Variants in PRPF38B observed in about 807,000 individuals in gnomAD.
PRPF38B encodes pre-mRNA processing factor 38B.
PRPF38B carries 18 observed loss-of-function variants against 67.2 expected under a neutral mutation model. The observed-to-expected ratio is 0.27, with a 90% CI of 0.19 to 0.40. PRPF38B has a LOEUF of 0.40. Among genes scored for constraint, PRPF38B ranks in the 10% least tolerant of loss-of-function variants. The probability of loss-of-function intolerance (pLI) is 1.00; values close to 1 mark genes in which losing one functional copy is unlikely to be tolerated. For missense variants in PRPF38B, 544 were observed against 684.9 expected, an observed-to-expected ratio of 0.79 and a Z score of 2.30; for synonymous variants, 246 against 234.2, an observed-to-expected ratio of 1.05 and a Z score of -0.46.
At chr1:108,692,960 T>G in intron 1 of PRPF38B, 93 bp downstream of exon 1, 1 of 1,477,444 alleles carries the variant, frequency 6.8e-7, no homozygotes, top group Non-Finnish European at 9.1e-7. Flanking sequence ...TCTGAAGATT[T>G]GTGGGTGGGG....
At chr1:108,694,049 G>A (rs1243015629) in intron 1 of PRPF38B, among the ~76,000 whole-genome samples, 2 of 152,174 alleles carry the variant, frequency 1.3e-5, no homozygotes, top group Non-Finnish European at 2.9e-5. Context: ...GGTTATTGAA[G>A]GATTTTGAGA....
rs762875719 is a variant in PRPF38B at position 108,692,822 on chromosome 1, C to T, written c.231C>T (p.Tyr77=). The change falls in exon 1 of 6, where the codon TAC becomes TAT. Residue 77 remains tyrosine (Y), a synonymous_variant. Coordinates refer to ENST00000370025, the MANE Select transcript of PRPF38B (RefSeq NM_018061.4). ...LSSPYFKVQL[Y]ELKTYHEVVD... is the part of the protein sequence containing the mutation. ...CGCCTTACTTCAAAGTACAGCTCTA[C>T]GAGCTCAAGACCTACCACGAGGTGG... 8 of 1,614,170 alleles carry T rather than the reference C, an allele frequency of 5.0e-6. No homozygotes were observed. Among genetic ancestry groups the T allele is most frequent in the African/African-American group, 1.3e-5 (1 of 75,044 alleles).
At position 108,699,395 on chromosome 1, in the gene PRPF38B, G is replaced by A. The variant is rs779515848; in HGVS notation, c.1016G>A (p.Arg339His). 1.1e-5 allele frequency: 18 copies of A among 1,612,898 alleles called. No homozygotes were observed. The highest frequency in any genetic ancestry group is 5.0e-5 in the Admixed American group (3 of 59,996). The change falls in exon 6 of 6, where the codon CGC (arginine) becomes CAC (histidine). Residue 339 changes from arginine to histidine, a missense_variant. By Grantham distance (29) the Arg-to-His change is conservative. This residue lies in a region of PRPF38B where 387 missense variants were observed against 386.1 expected (regional missense o/e 1.00). Transcript: ENST00000370025. Reference protein sequence around the residue: ...RSRSRERHRSRSRSRDRKGDR... With the variant: ...RSRSRERHRSHSRSRDRKGDR... ...AGAAGTAGGGAAAGGCATAGAAGTCGCAGTCGAAGTCGTGATAGGAAAGGG... is the reference window on the plus strand; with the variant it reads ...AGAAGTAGGGAAAGGCATAGAAGTCACAGTCGAAGTCGTGATAGGAAAGGG...
chr1:108,697,044 C>A, intron 4 of PRPF38B: 1 of 403,628 alleles, frequency 2.5e-6, no homozygotes, highest in Non-Finnish European at 4.4e-6. Context: ...AGTTCAAGAC[C>A]AGCCTGAGCA....
rs770284627 is a variant in PRPF38B, at chr1:108,699,323, G to A, written c.944G>A (p.Arg315Gln). The change falls in exon 6 of 6, where the codon CGG becomes CAG. Residue 315 changes from arginine to glutamine, a missense_variant. Arg to Gln is a conservative substitution (Grantham distance 43). This residue lies in a region of PRPF38B where 387 missense variants were observed against 386.1 expected (regional missense o/e 1.00). Transcript: ENST00000370025. ...EREAKEREKE[R>Q]RRSRSIDRGL... ...GAAGCCAAAGAAAGGGAGAAAGAAC[G>A]GCGAAGATCCCGAAGTATTGACCGG... is the stretch of plus-strand genomic sequence containing the variant. 4.3e-6 allele frequency: 7 copies of A among 1,614,002 alleles called. No homozygotes were observed. Among genetic ancestry groups the A allele is most frequent in the South Asian group, 1.1e-5 (1 of 91,082 alleles).
Position 108,695,466 on chromosome 1 carries a change from TCTC to T in PRPF38B, c.277-232_277-230del, listed in dbSNP as rs1659777198. 3.3e-5 allele frequency among the ~76,000 whole-genome samples: 5 copies of T among 152,194 alleles called. No homozygotes were observed. In the South Asian group the frequency reaches 1.0e-3, roughly 31 times the overall value. On this transcript the variant is annotated intron_variant, in intron 1 of 5. Transcript: ENST00000370025. ...TTTATAAAGCTAGTTGAGTGGGATT[TCTC>T]CTCTGCAAAGCTATTAAGGTTTTGT...
rs182087067 is a variant in PRPF38B at position 108,694,075 on chromosome 1, A to G, written c.276+1208A>G. On this transcript the variant is annotated intron_variant, in intron 1 of 5. Transcript: ENST00000370025. ...GATTTTGAGAGATTAGTTGCTTTTT[A>G]TAGAAAACATCTCTTGAATACAGTT... Among the ~76,000 whole-genome samples, 3 of 152,344 alleles carry G rather than the reference A, an allele frequency of 2.0e-5. No individual in the cohort carries two copies. The East Asian group carries it at 5.8e-4, about 29-fold the overall frequency.
chr1:108,698,785 G>A lies in PRPF38B; in HGVS notation c.740G>A (p.Gly247Asp), dbSNP rs1660136927. Residue 247 changes from glycine to aspartate, a missense_variant, in exon 5 of 6, where the codon GGT becomes GAT. Transcript: ENST00000370025. ...AAAATCAAGAAAGATGGGAAGGAAG[G>A]TGCTGAGGAAATAGACAGACATGTT... is the stretch of plus-strand genomic sequence containing the variant. ...PRKIKKDGKE[G>D]AEEIDRHVER... 2 of 1,613,920 alleles carry A rather than the reference G, an allele frequency of 1.2e-6. No homozygotes were observed. The highest frequency in any genetic ancestry group is 1.7e-6 in the Non-Finnish European group (2 of 1,179,846).
Position 108,698,830 on chromosome 1 carries a change from A to C in PRPF38B, c.782+3A>C. On this transcript the variant is annotated splice_donor_region_variant and intron_variant, in intron 5 of 5. Transcript: ENST00000370025. The stretch of plus-strand genomic sequence containing the variant: ...CATGTTGAACGCAGACGTTCAAGGT[A>C]ATGTCACTCTTGAATTATGCTTATT... The C allele has an allele frequency of 6.2e-7, 1 of 1,600,252 alleles. No homozygotes were observed.
rs1469044563 is a variant in PRPF38B, at chr1:108,702,555, A to T, written c.*2535A>T. Reference sequence around the variant, plus strand: ...GAGTGGCTTCCTAAGAAACTGGGAAAACAAGTGGCTATGAAAGACATCTCA... The same window carrying T: ...GAGTGGCTTCCTAAGAAACTGGGAATACAAGTGGCTATGAAAGACATCTCA... On this transcript the variant is annotated 3_prime_UTR_variant, in exon 6 of 6. Transcript: ENST00000370025. 6.6e-6 allele frequency among the ~76,000 whole-genome samples: 1 copy of T among 152,196 alleles called. No individual in the cohort carries two copies. The highest frequency in any genetic ancestry group is 1.5e-5 in the Non-Finnish European group (1 of 68,038).
Position 108,701,218 on chromosome 1 carries a change from A to T in PRPF38B, c.*1198A>T, listed in dbSNP as rs1470208803. 15 of 152,676 alleles carry T rather than the reference A, an allele frequency of 9.8e-5. No homozygotes were observed. Among genetic ancestry groups the T allele is most frequent in the Admixed American group, 9.8e-4 (15 of 15,292 alleles). The allele number at this position is 152,676 out of a possible 1,614,324, so 9.5% of individuals were successfully genotyped here. A position where few individuals can be genotyped will look rare whatever the true frequency, so the allele number is the denominator to read the frequency against. On this transcript the variant is annotated 3_prime_UTR_variant, in exon 6 of 6. Coordinates refer to ENST00000370025, the MANE Select transcript of PRPF38B (RefSeq NM_018061.4). ...TCTTGGCTTTTCCCCCATTTGTTAA[A>T]TTTTTTTAGCATATTTATATTGTGG...
Position 108,699,511 on chromosome 1 carries a change from C to T in PRPF38B, c.1132C>T (p.Arg378Ter), listed in dbSNP as rs1660224181. The change falls in exon 6 of 6, where the codon CGA becomes TGA. Residue 378 changes from arginine (R) to a stop codon, truncating the protein, a stop_gained. Transcript: ENST00000370025. LOFTEE classifies it high-confidence loss of function. Reference sequence around the variant, plus strand: ...CTATGATAAGGAAAGAGGAAATGAACGAGAAAAAGAGAGAGAGCGATCAAG... The same window carrying T: ...CTATGATAAGGAAAGAGGAAATGAATGAGAAAAAGAGAGAGAGCGATCAAG... ...RDYDKERGNE[R>*]EKERERSRER... 6.4e-7 allele frequency: 1 copy of T among 1,569,238 alleles called. No individual in the cohort carries two copies. The highest frequency in any genetic ancestry group is 8.6e-7 in the Non-Finnish European group (1 of 1,157,576).
intron 4 of PRPF38B, chr1:108,698,326 C>A: frequency 3.1e-6 from 1 of 322,804 alleles, no homozygotes; most frequent in Non-Finnish European, 5.7e-6. Context: ...GTCAATCGTT[C>A]CGCATAGTTT....
chr1:108,697,840 G>T (rs891539580), intron 4 of PRPF38B: 1 of 152,170 alleles, frequency 6.6e-6, no homozygotes, highest in Non-Finnish European at 1.5e-5. Context: ...TGGAAATACT[G>T]TATATCTGAA....
Position 108,699,723 on chromosome 1 carries a change from T to C in PRPF38B, c.1344T>C (p.Ser448=). The part of the protein sequence containing the change: ...RSRSRNAGKR[S]RSRSKEKSSK... ...GAAGTAGAAATGCAGGGAAACGAAG[T>C]AGAAGTAGAAGCAAAGAGAAATCAA... The change falls in exon 6 of 6, where the codon AGT becomes AGC. Residue 448 remains serine, a synonymous_variant. Transcript: ENST00000370025. 6.2e-7 allele frequency: 1 copy of C among 1,612,424 alleles called. No individual in the cohort carries two copies. Among genetic ancestry groups the C allele is most frequent in the Non-Finnish European group, 8.5e-7 (1 of 1,179,328 alleles).
intron 4 of PRPF38B, chr1:108,697,538 C>CTTTTTTTTTTTTTTTTTTTTTTTT (rs34770110): frequency 6.8e-6 from 1 of 146,072 alleles, no homozygotes; most frequent in African/African-American, 2.6e-5. Context: ...TTATTTTTCT[C>CTTTTTTTTTTTTTTTTTTTTTTTT]TTTTTTTTTT....
At chr1:108,694,353 G>A (rs946512713) in intron 1 of PRPF38B, among the ~76,000 whole-genome samples, 3 of 152,110 alleles carry the variant, frequency 2.0e-5, no homozygotes, top group Non-Finnish European at 2.9e-5. Flanking sequence ...ATGTAATAGA[G>A]GAAAGTCTCG....
rs765927377 is a variant in PRPF38B, at chr1:108,692,586, C to T, written c.-6C>T. 51 of 1,564,738 alleles carry T rather than the reference C, an allele frequency of 3.3e-5. No individual in the cohort carries two copies. The highest frequency in any genetic ancestry group is 4.2e-5 in the Non-Finnish European group (49 of 1,156,878). On this transcript the variant is annotated 5_prime_UTR_variant, in exon 1 of 6. Transcript: ENST00000370025. ...TCCTTCCCTCCCTCCTTCCTTCCGCCGCAACATGGCTAACAACAGCCCCGC... is the reference window on the plus strand; with the variant it reads ...TCCTTCCCTCCCTCCTTCCTTCCGCTGCAACATGGCTAACAACAGCCCCGC...
In PRPF38B at chr1:108,692,573, T is replaced by G. The variant is rs374716974; in HGVS notation, c.-19T>G. The G allele has an allele frequency of 2.5e-4, 223 of 890,374 alleles. No homozygotes were observed. The highest frequency in any genetic ancestry group is 3.2e-4 in the Non-Finnish European group (211 of 651,898). The allele number at this position is 890,374 out of a possible 1,614,324, so 55.2% of individuals were successfully genotyped here. A position where few individuals can be genotyped will look rare whatever the true frequency, so the allele number is the denominator to read the frequency against. Reference sequence around the variant, plus strand: ...CCCCTCCCCCCCCTCCTTCCCTCCCTCCTTCCTTCCGCCGCAACATGGCTA... The same window carrying G: ...CCCCTCCCCCCCCTCCTTCCCTCCCGCCTTCCTTCCGCCGCAACATGGCTA... On this transcript the variant is annotated 5_prime_UTR_variant, in exon 1 of 6. Coordinates refer to ENST00000370025, the MANE Select transcript of PRPF38B (RefSeq NM_018061.4).
Sources: gnomAD v4.1 joint callset for allele counts (sites outside exome capture counted in the v4.1 genomes callset) on GRCh38, gnomAD v4.1.1 for gene constraint, gnomAD v4.1.1 regional missense constraint, MANE v1.5 for transcripts, NCBI Gene and HGNC (gene_info 2026-07-23, HGNC 2026-07-21) for gene names.